Variants in STK3 observed in about 807,000 individuals in gnomAD.
STK3 encodes the protein serine/threonine-protein kinase 3.
A neutral mutation model predicts 58.0 loss-of-function variants in STK3; 41 were observed. That is an observed-to-expected ratio of 0.71 (90% CI 0.55 to 0.92). The LOEUF is 0.92. Ranked by LOEUF, STK3 falls within the 40% of genes least tolerant of loss-of-function variation. STK3 has a pLI of 0.00. For missense variants in STK3, 479 were observed against 602.7 expected (o/e 0.79, Z 2.15); for synonymous variants, 170 against 191.0 (o/e 0.89, Z 0.91).
chr8:98,903,560 T>TC (rs1838766514), intron 1 of STK3, among the ~76,000 whole-genome samples: 4 of 122,438 alleles, frequency 3.3e-5, no homozygotes, highest in African/African-American at 1.4e-4. Context: ...CTTCTTCCTT[T>TC]TTTTTTTTTT....
chr8:98,675,763 C>T (rs973304365), intron 6 of STK3, among the ~76,000 whole-genome samples: 1 of 151,892 alleles, frequency 6.6e-6, no homozygotes, highest in Non-Finnish European at 1.5e-5. Context: ...ACTCGGGAGG[C>T]TGAGGCAGGA....
rs1818284975 is a variant in STK3, at chr8:98,428,809, T to C, written n.483+5318A>G. The C allele has an allele frequency of 6.2e-7, 1 of 1,614,198 alleles. No homozygotes were observed. Reference sequence around the variant, plus strand: ...GTCCCCTTTTACATCACTCTGGTGGTGAACCTGGTGGTGGAGAGCACACCT... The same window carrying C: ...GTCCCCTTTTACATCACTCTGGTGGCGAACCTGGTGGTGGAGAGCACACCT... On this transcript the variant is annotated intron_variant and non_coding_transcript_variant, in intron 3 of 3. Transcript: ENST00000517832. The surrounding 1 kb of genome is among the most constrained non-coding windows in gnomAD (Gnocchi z 6.7).
intron 7 of STK3, among the ~76,000 whole-genome samples, chr8:98,591,855 G>A (rs569131943): frequency 5.9e-5 from 9 of 152,146 alleles, no homozygotes; most frequent in Non-Finnish European, 1.3e-4. Context: ...AGAAGATAAA[G>A]TATAATGTAG....
At chr8:98,726,834 C>A (rs1210518949) in intron 4 of STK3, among the ~76,000 whole-genome samples, 1 of 152,130 alleles carries the variant, frequency 6.6e-6, no homozygotes, top group Non-Finnish European at 1.5e-5. Context: ...CTTACTGTCC[C>A]TTACTGTGAC....
At chr8:98,633,234 A>T (rs1213601009) in intron 6 of STK3, among the ~76,000 whole-genome samples, 1 of 152,222 alleles carries the variant, frequency 6.6e-6, no homozygotes, top group Admixed American at 6.5e-5. Context: ...TAAACCTAAC[A>T]CTACCTACAA....
intron 1 of STK3, chr8:98,437,621 C>A (rs553174090): frequency 6.6e-6 from 1 of 152,308 alleles, no homozygotes; most frequent in African/African-American, 2.4e-5. Flanking sequence ...AACTGAGGTG[C>A]CAGCAGTCAG....
At chr8:98,454,406 A>C (rs1016410907), downstream of STK3, among the ~76,000 whole-genome samples, 1 of 152,142 alleles carries the variant, frequency 6.6e-6, no homozygotes, top group Non-Finnish European at 1.5e-5. Flanking sequence ...CAGATGGTTG[A>C]GGCCCTGTCA....
chr8:98,596,210 C>A, intron 6 of STK3, 41 bp from the exon 7 acceptor site: 1 of 1,565,666 alleles, frequency 6.4e-7, no homozygotes. Flanking sequence ...AAGAATCACA[C>A]TAGCACAATC....
intron 6 of STK3, among the ~76,000 whole-genome samples, chr8:98,693,947 T>G (rs1031843320): frequency 1.3e-5 from 2 of 152,214 alleles, no homozygotes; most frequent in Non-Finnish European, 2.9e-5. Context: ...GTGTTCACTC[T>G]TCACATGTGG....
intron 8 of STK3, among the ~76,000 whole-genome samples, chr8:98,559,427 C>A (rs966224595): frequency 3.9e-5 from 6 of 152,028 alleles, no homozygotes; most frequent in African/African-American, 1.4e-4. Flanking sequence ...GGAGCACTTG[C>A]CAAACTGAAG....
chr8:98,905,915 T>C (rs1021245679), intron 1 of STK3, among the ~76,000 whole-genome samples: 21 of 152,194 alleles, frequency 1.4e-4, no homozygotes, highest in African/African-American at 4.8e-4. Context: ...GGAAGTGAGG[T>C]ACAGAAACAG....
chr8:98,772,881 A>G (rs1042895597), intron 2 of STK3, among the ~76,000 whole-genome samples: 2 of 152,066 alleles, frequency 1.3e-5, no homozygotes, highest in Non-Finnish European at 2.9e-5. Flanking sequence ...CAGAACCGTG[A>G]GCCAATTAAA....
At chr8:98,352,262 G>A in the STK3 span, among the ~76,000 whole-genome samples, 1 of 151,970 alleles carries the variant, frequency 6.6e-6, no homozygotes. Flanking sequence ...TCAAGGGAAT[G>A]AAAGTCATTA....
At chr8:98,672,708 A>C (rs1221354060) in intron 6 of STK3, among the ~76,000 whole-genome samples, 1 of 152,254 alleles carries the variant, frequency 6.6e-6, no homozygotes, top group South Asian at 2.1e-4. Flanking sequence ...GCAAAGCCAT[A>C]TAATTTAAGA....
intron 6 of STK3, among the ~76,000 whole-genome samples, chr8:98,697,382 C>T (rs199515088): frequency 1.3e-5 from 2 of 151,832 alleles, no homozygotes; most frequent in Admixed American, 6.6e-5. Flanking sequence ...ATTTTAGTTA[C>T]TTCTTGCCTT....
At chr8:98,825,763 GCCC>G, upstream of STK3, 1 of 252,570 alleles carries the variant, frequency 4.0e-6, no homozygotes, top group African/African-American at 4.1e-5. Context: ...CGGCCGCCCC[GCCC>G]CGCCCCCGGC....
chr8:98,703,995 T>G (rs1825794856), intron 6 of STK3, among the ~76,000 whole-genome samples: 1 of 152,182 alleles, frequency 6.6e-6, no homozygotes, highest in South Asian at 2.1e-4. Context: ...TATTCTACAT[T>G]GACAAAATGG....
chr8:98,406,064 C>T (rs1817989724), intron 3 of STK3, among the ~76,000 whole-genome samples: 1 of 152,122 alleles, frequency 6.6e-6, no homozygotes, highest in Non-Finnish European at 1.5e-5. Context: ...GCACCCTCCT[C>T]TATGTTCCCA....
intron 6 of STK3, among the ~76,000 whole-genome samples, chr8:98,608,999 T>C (rs1225935219): frequency 1.3e-5 from 2 of 152,230 alleles, no homozygotes; most frequent in African/African-American, 4.8e-5. Context: ...GTTCTATATT[T>C]ATTACATTGG....
Sources: gnomAD v4.1 joint callset for allele counts (sites outside exome capture counted in the v4.1 genomes callset) on GRCh38, gnomAD v4.1.1 for gene constraint, Gnocchi (gnomAD v3.1) non-coding constraint, MANE v1.5 for transcripts, NCBI Gene and HGNC (gene_info 2026-07-23, HGNC 2026-07-21) for gene names.